The following STAU2 variants were observed in gnomAD, a reference collection of about 807,000 sequenced individuals.
STAU2 encodes staufen double-stranded RNA binding protein 2, also known as double-stranded RNA-binding protein Staufen homolog 2.
In STAU2, 20 loss-of-function variants were observed where a neutral mutation model predicts 65.9. The ratio of observed to expected loss-of-function variants is 0.30; its 90% CI spans 0.21 to 0.44. STAU2 has a LOEUF of 0.44. STAU2 is among the 20% of genes least tolerant of loss of function. STAU2 has a pLI of 1.00. For missense variants in STAU2, 558 were observed against 683.9 expected, an observed-to-expected ratio of 0.82 and a Z score of 2.05; for synonymous variants, 232 against 233.9, an observed-to-expected ratio of 0.99 and a Z score of 0.07.
rs542375730 is a variant in STAU2, at chr8:73,722,966, CAAGT to C, written c.-17-13808_-17-13805del. 3.2e-4 allele frequency among the ~76,000 whole-genome samples: 48 copies of C among 152,152 alleles called. No homozygotes were observed. The South Asian group carries it at 9.1e-3, about 29-fold the overall frequency. ...TACACTTAAGAAAGATTAATAAAAA[CAAGT>C]AAGATAATTATTCACCCAATTTTTC... On this transcript the variant is annotated intron_variant, in intron 3 of 14. Coordinates refer to ENST00000524300, the MANE Select transcript of STAU2 (RefSeq NM_001164380.2).
chr8:73,574,653 A>G (rs1481908072), intron 12 of STAU2, among the ~76,000 whole-genome samples: 1 of 152,206 alleles, frequency 6.6e-6, no homozygotes, highest in East Asian at 1.9e-4. Context: ...AAACTATCGC[A>G]AGGACAGAAA....
chr8:73,728,463 CAAAA>C (rs34893638), intron 3 of STAU2, among the ~76,000 whole-genome samples: 1 of 130,856 alleles, frequency 7.6e-6, no homozygotes. Context: ...CCAACTTTTG[CAAAA>C]AAAAAAAAAA....
In STAU2 at chr8:73,613,764, G is replaced by T; in HGVS notation, c.871C>A (p.Arg291Ser). 6.2e-7 allele frequency: 1 copy of T among 1,611,058 alleles called. No homozygotes were observed. The highest frequency in any genetic ancestry group is 8.5e-7 in the Non-Finnish European group (1 of 1,179,398). Residue 291 changes from arginine (R) to serine (S), a missense_variant, in exon 9 of 15, where the codon CGC becomes AGC. Physicochemically the swap from Arg to Ser is moderately radical, Grantham distance 110. Around this residue, in one of 3 missense-constraint regions of STAU2, gnomAD observed 199 missense variants for 299.5 expected, o/e 0.66. Coordinates refer to ENST00000524300, the MANE Select transcript of STAU2 (RefSeq NM_001164380.2). ...VEKPKLFFKK[R>S]PKTIVKAGPE... ...CTTACCTTTACTATTGTTTTAGGGCGTTTTTTAAAAAATAGTTTTGGCTTT... is the reference window on the plus strand; with the variant it reads ...CTTACCTTTACTATTGTTTTAGGGCTTTTTTTAAAAAATAGTTTTGGCTTT...
chr8:73,455,502 A>C (rs905003089), intron 13 of STAU2, among the ~76,000 whole-genome samples: 1 of 152,114 alleles, frequency 6.6e-6, no homozygotes, highest in African/African-American at 2.4e-5. Context: ...ACTTGTCCCC[A>C]TTGGGCTCTG....
intron 13 of STAU2, among the ~76,000 whole-genome samples, chr8:73,473,827 C>T (rs979069237): frequency 6.6e-6 from 1 of 152,314 alleles, no homozygotes; most frequent in East Asian, 1.9e-4. Context: ...CCACCTCACC[C>T]TCATGCCAAG....
chr8:73,431,948 G>T (rs988068254), intron 13 of STAU2, among the ~76,000 whole-genome samples: 1 of 152,204 alleles, frequency 6.6e-6, no homozygotes, highest in Non-Finnish European at 1.5e-5. Context: ...GTCTTCATTA[G>T]CAACATGTGG....
Position 73,474,441 on chromosome 8 carries a change from GA to G in STAU2, c.1531-51740del, listed in dbSNP as rs981731405. 2.9e-4 allele frequency among the ~76,000 whole-genome samples: 44 copies of G among 152,296 alleles called. 2 individuals carry two copies. The highest frequency in any genetic ancestry group is 3.4e-3 in the Middle Eastern group (1 of 294). On this transcript the variant is annotated intron_variant, in intron 13 of 14. Coordinates refer to ENST00000524300, the MANE Select transcript of STAU2 (RefSeq NM_001164380.2). ...CGCTAGAAAAAGTCTCAGTGCATCT[GA>G]AACTTTATCTTACCTAAAGAATAAA...
intron 6 of STAU2, among the ~76,000 whole-genome samples, chr8:73,666,105 G>A (rs549714737): frequency 2.0e-5 from 3 of 152,200 alleles, no homozygotes; most frequent in Non-Finnish European, 2.9e-5. Flanking sequence ...CCAGGGATAC[G>A]AGGGGCCAAC....
chr8:73,654,664 A>AAAAAAAAAAAAAAAAAAAAT (rs1554556802), intron 6 of STAU2, among the ~76,000 whole-genome samples: 1 of 122,986 alleles, frequency 8.1e-6, no homozygotes, highest in Non-Finnish European at 1.7e-5. Flanking sequence ...AAAAAAAAGA[A>AAAAAAAAAAAAAAAAAAAAT]CTCTTTTAAT....
At chr8:73,433,217 A>T (rs921712924) in intron 13 of STAU2, among the ~76,000 whole-genome samples, 27 of 151,838 alleles carry the variant, frequency 1.8e-4, no homozygotes, top group African/African-American at 5.6e-4. Context: ...TTATTTATTT[A>T]TTTTTTGAGA....
At chr8:73,515,682 T>TC (rs1210614901) in intron 13 of STAU2, among the ~76,000 whole-genome samples, 5 of 150,956 alleles carry the variant, frequency 3.3e-5, no homozygotes, top group African/African-American at 7.3e-5. Flanking sequence ...TAGGTGAGGA[T>TC]CCCAGCAAAC....
intron 4 of STAU2, among the ~76,000 whole-genome samples, chr8:73,705,731 T>A (rs893445301): frequency 6.6e-6 from 1 of 152,160 alleles, no homozygotes; most frequent in Non-Finnish European, 1.5e-5. Flanking sequence ...CTAAAATAAT[T>A]ATTATTTTAA....
At chr8:73,621,304 T>C (rs1263032613) in intron 6 of STAU2, among the ~76,000 whole-genome samples, 2 of 152,150 alleles carry the variant, frequency 1.3e-5, no homozygotes, top group Non-Finnish European at 1.5e-5. Flanking sequence ...CCTGCTGGCA[T>C]TCATTTCCTC....
Position 73,551,000 on chromosome 8 carries a change from G to C in STAU2, c.1530+1012C>G, listed in dbSNP as rs542131378. 1.6e-5 allele frequency: 16 copies of C among 986,282 alleles called. No individual in the cohort carries two copies. The African/African-American group carries it at 2.8e-4, about 17-fold the overall frequency. The allele number at this position is 986,282 out of a possible 1,614,324, so 61.1% of individuals were successfully genotyped here. On this transcript the variant is annotated intron_variant, in intron 13 of 14. Coordinates refer to ENST00000524300, the MANE Select transcript of STAU2 (RefSeq NM_001164380.2). ...TAGAGCATTTCTAAAGGATATTACA[G>C]TTTTTGGTCTTAAGGAATAAAGACT... is the stretch of plus-strand genomic sequence containing the variant.
chr8:73,571,483 T>C (rs1368298248), intron 12 of STAU2, among the ~76,000 whole-genome samples: 7 of 152,190 alleles, frequency 4.6e-5, no homozygotes, highest in Non-Finnish European at 7.4e-5. Flanking sequence ...CCAAAATTGA[T>C]CACAGAGTTG....
chr8:73,654,683 C>CG (rs1554556829), intron 6 of STAU2, among the ~76,000 whole-genome samples: 2 of 62,950 alleles, frequency 3.2e-5, no homozygotes, highest in South Asian at 1.8e-3. Context: ...ATTATCAAAC[C>CG]TTTTTTTTTT....
At chr8:73,705,899 T>C (rs1820472529) in intron 4 of STAU2, among the ~76,000 whole-genome samples, 1 of 152,194 alleles carries the variant, frequency 6.6e-6, no homozygotes, top group Admixed American at 6.5e-5. Flanking sequence ...GTTTCCAAAC[T>C]CTGGCTGTAC....
rs58384321 is a variant in STAU2, at chr8:73,677,851, T to C, written c.275-4609A>G. 8.3e-3 allele frequency among the ~76,000 whole-genome samples: 1,269 copies of C among 152,292 alleles called. 18 individuals are homozygous for C. Among genetic ancestry groups the C allele is most frequent in the African/African-American group, 0.026 (1,099 of 41,546 alleles). ...CTCAGCTTACTATAACACTCAACCATGGAAATTCTTATCTCCACTGGGGCC... is the reference window on the plus strand; with the variant it reads ...CTCAGCTTACTATAACACTCAACCACGGAAATTCTTATCTCCACTGGGGCC... On this transcript the variant is annotated intron_variant, in intron 5 of 14. Transcript: ENST00000524300.
chr8:73,487,142 G>T (rs1820959407), intron 13 of STAU2, among the ~76,000 whole-genome samples: 1 of 152,118 alleles, frequency 6.6e-6, no homozygotes, highest in Admixed American at 6.5e-5. Flanking sequence ...GCATTTTCAT[G>T]AAATCATGGC....
Sources: gnomAD v4.1 joint callset for allele counts (sites outside exome capture counted in the v4.1 genomes callset) on GRCh38, gnomAD v4.1.1 for gene constraint, gnomAD v4.1.1 regional missense constraint, MANE v1.5 for transcripts, NCBI Gene and HGNC (gene_info 2026-07-23, HGNC 2026-07-21) for gene names.